LAMC1: variants seen among roughly 807,000 people sequenced by gnomAD.
LAMC1 encodes laminin subunit gamma 1.
Under a neutral mutation model 173.6 loss-of-function variants are expected in LAMC1, and 38 were observed. The ratio of observed to expected loss-of-function variants is 0.22; its 90% CI spans 0.17 to 0.29. The LOEUF is 0.29. Ranked by LOEUF, LAMC1 falls within the 10% of genes least tolerant of loss-of-function variation. The probability of loss-of-function intolerance (pLI) is 1.00; values close to 1 mark genes in which losing one functional copy is unlikely to be tolerated. For synonymous variants in LAMC1, 746 were observed against 749.1 expected, an observed-to-expected ratio of 1.00 and a Z score of 0.07; for missense variants, 1,824 against 2,051.8, an observed-to-expected ratio of 0.89 and a Z score of 2.14.
chr1:183,062,716 C>A (rs1476954847), intron 1 of LAMC1, among the ~76,000 whole-genome samples: 1 of 152,102 alleles, frequency 6.6e-6, no homozygotes, highest in Non-Finnish European at 1.5e-5. Flanking sequence ...CTTTGGGAGG[C>A]TGAGGTGGGC....
chr1:183,096,808 AT>A (rs11293029), intron 1 of LAMC1, among the ~76,000 whole-genome samples: 71,443 of 152,020 alleles, frequency 0.47, 18,279 homozygotes, highest in East Asian at 0.6. Context: ...GAGTACAGAA[AT>A]TTAGGGGAAA....
chr1:183,087,413 G>A (rs1199640513), intron 1 of LAMC1, among the ~76,000 whole-genome samples: 1 of 152,210 alleles, frequency 6.6e-6, no homozygotes, highest in East Asian at 1.9e-4. Flanking sequence ...GTTCTTATGT[G>A]TGTATGTGTG....
rs1171366143 is a variant in LAMC1 at position 183,145,009 on chromosome 1, A to G, written c.*2219A>G. Reference sequence around the variant, plus strand: ...CGTGCTGTTGCAAAGTTTTCACGTCATTGTTTCCTGGCTAGTTCATTTCAT... The same window carrying G: ...CGTGCTGTTGCAAAGTTTTCACGTCGTTGTTTCCTGGCTAGTTCATTTCAT... On this transcript the variant is annotated 3_prime_UTR_variant, in exon 28 of 28. Coordinates refer to ENST00000258341, the MANE Select transcript of LAMC1 (RefSeq NM_002293.4). 1.3e-5 allele frequency: 2 copies of G among 152,144 alleles called. No individual in the cohort carries two copies. The highest frequency in any genetic ancestry group is 6.5e-5 in the Admixed American group (1 of 15,274). 9.4% of individuals were successfully genotyped at this position (152,144 alleles called of 1,614,324 possible). A position where few individuals can be genotyped will look rare whatever the true frequency, so the allele number is the denominator to read the frequency against.
intron 22 of LAMC1, among the ~76,000 whole-genome samples, chr1:183,134,062 C>T (rs1161870527): frequency 6.6e-6 from 1 of 152,134 alleles, no homozygotes; most frequent in Non-Finnish European, 1.5e-5. Flanking sequence ...GCAGGATGTT[C>T]TGAGGCAGGT....
intron 1 of LAMC1, among the ~76,000 whole-genome samples, chr1:183,042,270 C>T (rs1167681930): frequency 6.6e-6 from 1 of 152,054 alleles, no homozygotes; most frequent in East Asian, 1.9e-4. Flanking sequence ...GGGTGATAGG[C>T]CCCTGTGCTT....
chr1:183,071,203 G>A (rs1655003983), intron 1 of LAMC1, among the ~76,000 whole-genome samples: 1 of 151,792 alleles, frequency 6.6e-6, no homozygotes, highest in East Asian at 1.9e-4. Context: ...GGAAATTGGT[G>A]ATTGATGCAG....
Position 183,126,200 on chromosome 1 carries a change from C to T in LAMC1, c.2882C>T (p.Thr961Ile), listed in dbSNP as rs1421342238. Reference sequence around the variant, plus strand: ...CAGTGTGAGTGCCAGCCCGGCATCACTGGTCAGCACTGTGAGCGCTGTGAG... The same window carrying T: ...CAGTGTGAGTGCCAGCCCGGCATCATTGGTCAGCACTGTGAGCGCTGTGAG... ...TGQCECQPGI[T>I]GQHCERCEVN... The change falls in exon 16 of 28, where the codon ACT (threonine) becomes ATT (isoleucine). Residue 961 changes from threonine (T) to isoleucine (I), a missense_variant. Thr to Ile is a moderately conservative substitution (Grantham distance 89, BLOSUM62 -1). Transcript: ENST00000258341. The T allele has an allele frequency of 6.2e-7, 1 of 1,614,094 alleles. No homozygotes were observed. Among genetic ancestry groups the T allele is most frequent in the African/African-American group, 1.3e-5 (1 of 74,924 alleles).
chr1:183,030,047 T>C (rs1653809236), intron 1 of LAMC1, among the ~76,000 whole-genome samples: 1 of 152,238 alleles, frequency 6.6e-6, no homozygotes, highest in African/African-American at 2.4e-5. Flanking sequence ...TGTACATTTT[T>C]AATTGGTTAG....
At chr1:183,127,698 C>T (rs1451009233) in intron 17 of LAMC1, among the ~76,000 whole-genome samples, 3 of 151,972 alleles carry the variant, frequency 2.0e-5, no homozygotes, top group South Asian at 2.1e-4. Context: ...AGGAATGAGC[C>T]GAGTGAAAAG....
At chr1:183,110,383 A>C in intron 3 of LAMC1, 105 bp from the exon 4 acceptor site, 1 of 840,898 alleles carries the variant, frequency 1.2e-6, no homozygotes, top group Non-Finnish European at 1.9e-6. Flanking sequence ...CCCAGTTTAC[A>C]CTTTTGAATG....
chr1:183,095,309 C>A (rs907019433), intron 1 of LAMC1, among the ~76,000 whole-genome samples: 1 of 151,836 alleles, frequency 6.6e-6, no homozygotes, highest in African/African-American at 2.4e-5. Context: ...GTATTAGAAT[C>A]TTGTTTTTCT....
At chr1:183,133,284 T>G in intron 21 of LAMC1, 122 bp from the exon 22 acceptor site, 2 of 813,236 alleles carry the variant, frequency 2.5e-6, no homozygotes, top group African/African-American at 3.5e-5. Flanking sequence ...AATGCAAGCA[T>G]TTTAATGTAG....
chr1:183,049,556 C>T (rs1216688400), intron 1 of LAMC1, among the ~76,000 whole-genome samples: 5 of 151,856 alleles, frequency 3.3e-5, no homozygotes, highest in Middle Eastern at 3.4e-3. Flanking sequence ...CTCCGCTTCC[C>T]GGGTTCAAGC....
At chr1:183,103,202 T>C in intron 1 of LAMC1, 126 bp from the exon 2 acceptor site, 1 of 883,626 alleles carries the variant, frequency 1.1e-6, no homozygotes, top group East Asian at 2.5e-5. Context: ...GAATAGCCTG[T>C]CTTCTTGGTT....
chr1:183,084,267 C>T (rs954845420), intron 1 of LAMC1, among the ~76,000 whole-genome samples: 1 of 151,754 alleles, frequency 6.6e-6, no homozygotes, highest in South Asian at 2.1e-4. Flanking sequence ...GGCGTGAACC[C>T]GGGAGGCGGA....
intron 1 of LAMC1, among the ~76,000 whole-genome samples, chr1:183,084,081 G>T (rs547912679): frequency 3.3e-5 from 5 of 152,280 alleles, no homozygotes; most frequent in Admixed American, 2.6e-4. Flanking sequence ...TTGGCTGGGC[G>T]CTGTGGCTCA....
At chr1:183,098,312 A>G (rs943705123) in intron 1 of LAMC1, among the ~76,000 whole-genome samples, 1 of 152,212 alleles carries the variant, frequency 6.6e-6, no homozygotes, top group African/African-American at 2.4e-5. Context: ...TTCTGGTTGT[A>G]GTTAATTCCA....
chr1:183,114,262 G>A (rs1656251518), intron 4 of LAMC1, among the ~76,000 whole-genome samples: 1 of 152,074 alleles, frequency 6.6e-6, no homozygotes, highest in Admixed American at 6.6e-5. Flanking sequence ...GTAGAGATGG[G>A]GTTTCACCGT....
rs1194900054 is a variant in LAMC1, at chr1:183,125,282, G to GT, written c.2648-115_2648-114insT. The stretch of plus-strand genomic sequence containing the variant: ...TTTAAAGTGCTCAGTAGCCACATGT[G>GT]ACAGCAGCTACCAACCTGGCAACAC... On this transcript the variant is annotated intron_variant, in intron 14 of 27. Coordinates refer to ENST00000258341, the MANE Select transcript of LAMC1 (RefSeq NM_002293.4). 4 of 887,056 alleles carry GT rather than the reference G, an allele frequency of 4.5e-6. No homozygotes were observed. In the Admixed American group the frequency reaches 1.1e-4, roughly 23 times the overall value. The allele number at this position is 887,056 out of a possible 1,614,324, so 54.9% of individuals were successfully genotyped here.
Sources: gnomAD v4.1 joint callset for allele counts (sites outside exome capture counted in the v4.1 genomes callset) on GRCh38, gnomAD v4.1.1 for gene constraint, MANE v1.5 for transcripts, NCBI Gene and HGNC (gene_info 2026-07-23, HGNC 2026-07-21) for gene names.